CRPPA: variants seen among roughly 807,000 people sequenced by gnomAD.
CRPPA encodes the protein D-ribitol-5-phosphate cytidylyltransferase.
A neutral mutation model predicts 52.0 loss-of-function variants in CRPPA; 43 were observed. That is an observed-to-expected ratio of 0.83 (90% CI 0.65 to 1.07). The LOEUF (loss-of-function observed/expected upper bound fraction) is 1.07, where lower values mean the gene tolerates loss of function less well. Ranked by LOEUF, CRPPA falls within the 50% of genes least tolerant of loss-of-function variation. CRPPA has a pLI of 0.00. For missense variants in CRPPA, 629 were observed against 551.7 expected (o/e 1.14, Z -1.40); for synonymous variants, 250 against 203.5 (o/e 1.23, Z -1.94).
intron 9 of CRPPA, among the ~76,000 whole-genome samples, chr7:16,111,055 C>T (rs1261900945): frequency 6.6e-6 from 1 of 151,302 alleles, no homozygotes; most frequent in Non-Finnish European, 1.5e-5. Flanking sequence ...ATTTAAGTAG[C>T]TCAAACATTT....
chr7:16,379,300 A>C (rs1178084306), intron 2 of CRPPA, among the ~76,000 whole-genome samples: 4 of 152,220 alleles, frequency 2.6e-5, no homozygotes, highest in South Asian at 2.1e-4. Context: ...AGATAGTTGT[A>C]GATATGTGGC....
intron 5 of CRPPA, among the ~76,000 whole-genome samples, chr7:16,284,834 C>G (rs1414474115): frequency 6.6e-6 from 1 of 151,810 alleles, no homozygotes; most frequent in Non-Finnish European, 1.5e-5. Context: ...TTAAGATTGT[C>G]TCAAAAAAAA....
intron 2 of CRPPA, among the ~76,000 whole-genome samples, chr7:16,390,729 C>A (rs996766198): frequency 1.1e-4 from 16 of 152,156 alleles, no homozygotes; most frequent in Non-Finnish European, 2.1e-4. Flanking sequence ...GTGAATCACA[C>A]GGCCCTCCAA....
intron 3 of CRPPA, among the ~76,000 whole-genome samples, chr7:16,321,904 T>C (rs1785273899): frequency 6.6e-6 from 1 of 152,070 alleles, no homozygotes; most frequent in Non-Finnish European, 1.5e-5. Context: ...TGGTGAGGCT[T>C]AGGAAAAACC....
intron 9 of CRPPA, among the ~76,000 whole-genome samples, chr7:16,157,729 A>C (rs779747568): frequency 5.3e-5 from 8 of 152,166 alleles, no homozygotes; most frequent in Non-Finnish European, 1.2e-4. Context: ...CATAGCACGA[A>C]GGTCTACCTT....
intron 3 of CRPPA, 85 bp from the exon 4 acceptor site, chr7:16,308,712 A>G: frequency 1.2e-6 from 1 of 825,436 alleles, no homozygotes; most frequent in South Asian, 1.5e-5. Context: ...ATCCATTGCA[A>G]ACAAAGGAAG....
At chr7:16,275,063 G>A (rs968555999) in intron 6 of CRPPA, among the ~76,000 whole-genome samples, 4 of 152,054 alleles carry the variant, frequency 2.6e-5, no homozygotes, top group African/African-American at 9.7e-5. Flanking sequence ...GCAACTGAGT[G>A]AGACAGTGTC....
At chr7:16,304,272 G>A (rs1859423) in intron 4 of CRPPA, among the ~76,000 whole-genome samples, 2 of 152,012 alleles carry the variant, frequency 1.3e-5, no homozygotes, top group African/African-American at 2.4e-5. Flanking sequence ...TCGCCCTGGT[G>A]GGGGTAGTGG....
chr7:16,192,756 T>C (rs977237248), intron 9 of CRPPA, among the ~76,000 whole-genome samples: 2 of 152,148 alleles, frequency 1.3e-5, no homozygotes, highest in South Asian at 2.1e-4. Context: ...AGGTGATAGG[T>C]AGAGATGGAA....
chr7:16,270,645 A>T (rs1784069401), intron 6 of CRPPA: 1 of 152,162 alleles, frequency 6.6e-6, no homozygotes, highest in Non-Finnish European at 1.5e-5. Context: ...TTGTATACAC[A>T]TGCATGTAAC....
intron 9 of CRPPA, among the ~76,000 whole-genome samples, chr7:16,150,064 T>C (rs915676626): frequency 3.9e-5 from 6 of 151,996 alleles, no homozygotes; most frequent in Non-Finnish European, 8.8e-5. Context: ...TTAACCTCAT[T>C]GAGACATTAT....
intron 9 of CRPPA, among the ~76,000 whole-genome samples, chr7:16,145,982 A>C (rs992972890): frequency 2.0e-5 from 3 of 152,148 alleles, no homozygotes; most frequent in African/African-American, 7.2e-5. Flanking sequence ...AAGAACCTCA[A>C]GTAAGTGGAA....
In CRPPA at chr7:16,216,134, T is replaced by A. The variant is rs957843384; in HGVS notation, c.1183A>T (p.Arg395Ter). Reference protein sequence around the residue: ...SQKMENLMQIREFAKEVKERN... With the variant: ...SQKMENLMQI Reference sequence around the variant, plus strand: ...TCTTTTACTTCCTTTGCAAATTCTCTAATCTGCATTAGGTTTTCCATTTTC... The same window carrying A: ...TCTTTTACTTCCTTTGCAAATTCTCAAATCTGCATTAGGTTTTCCATTTTC... The change falls in exon 9 of 10, where the codon AGA becomes TGA. Residue 395 changes from arginine (R) to a stop codon, truncating the protein, a stop_gained. Transcript: ENST00000407010. LOFTEE classifies it high-confidence loss of function. The A allele has an allele frequency of 2.5e-6, 4 of 1,589,950 alleles. No homozygotes were observed. Among genetic ancestry groups the A allele is most frequent in the Non-Finnish European group, 3.4e-6 (4 of 1,160,308 alleles).
At chr7:16,288,954 AATC>A (rs1490809877) in intron 5 of CRPPA, among the ~76,000 whole-genome samples, 1 of 151,786 alleles carries the variant, frequency 6.6e-6, no homozygotes, top group East Asian at 1.9e-4. Flanking sequence ...CAAAAATAAT[AATC>A]ATCATCAATA....
chr7:16,249,501 G>T (rs1057408696), intron 8 of CRPPA, among the ~76,000 whole-genome samples: 1 of 152,182 alleles, frequency 6.6e-6, no homozygotes, highest in Non-Finnish European at 1.5e-5. Context: ...TCTGGTGGGT[G>T]CCCCTCTGGG....
At chr7:16,231,749 G>T (rs772137886) in intron 8 of CRPPA, among the ~76,000 whole-genome samples, 1 of 152,162 alleles carries the variant, frequency 6.6e-6, no homozygotes, top group Non-Finnish European at 1.5e-5. Flanking sequence ...CCCAAGGGGG[G>T]AGTACTAGGG....
chr7:16,396,917 G>A (rs1583575719), intron 2 of CRPPA, among the ~76,000 whole-genome samples: 2 of 152,240 alleles, frequency 1.3e-5, no homozygotes, highest in East Asian at 3.8e-4. Context: ...AAAGACAAAT[G>A]TGACATGTGT....
intron 9 of CRPPA, among the ~76,000 whole-genome samples, chr7:16,093,389 T>C (rs1353321041): frequency 2.0e-5 from 3 of 152,120 alleles, no homozygotes; most frequent in African/African-American, 7.2e-5. Context: ...AAAATAAATA[T>C]ATTATTGAAG....
chr7:16,106,278 C>A (rs1248088553), intron 9 of CRPPA, among the ~76,000 whole-genome samples: 3 of 152,176 alleles, frequency 2.0e-5, no homozygotes, highest in Non-Finnish European at 4.4e-5. Flanking sequence ...AATTGTCAAC[C>A]ACGCATTTCT....
Sources: allele counts gnomAD v4.1 joint callset (sites outside exome capture counted in the v4.1 genomes callset), GRCh38; gene constraint gnomAD v4.1.1; transcripts MANE v1.5; gene names NCBI Gene and HGNC (gene_info 2026-07-23, HGNC 2026-07-21).